The following WWOX variants were observed in gnomAD, a reference collection of about 807,000 sequenced individuals.
WWOX encodes WW domain-containing oxidoreductase.
WWOX carries 69 observed loss-of-function variants against 46.2 expected under a neutral mutation model. The observed-to-expected ratio is 1.49, with a 90% CI of 1.23 to 1.82. The LOEUF (loss-of-function observed/expected upper bound fraction) is 1.82. Among genes scored for constraint, WWOX ranks in the 40% most tolerant of loss-of-function variants. The pLI, the probability that WWOX is intolerant of heterozygous loss-of-function variation, is 0.00. For synonymous variants in WWOX, 359 were observed against 202.6 expected (o/e 1.77, Z -6.56); for missense variants, 919 against 542.6 (o/e 1.69, Z -6.89).
intron 8 of WWOX, among the ~76,000 whole-genome samples, chr16:78,547,309 G>A (rs2667650): frequency 0.49 from 74,579 of 151,868 alleles, 20,942 homozygotes; most frequent in Admixed American, 0.64. Flanking sequence ...ACTAGAGGGG[G>A]CACTATTAGT....
intron 8 of WWOX, among the ~76,000 whole-genome samples, chr16:78,990,186 CAAA>C (rs751642031): frequency 1.8e-5 from 2 of 110,246 alleles, no homozygotes. Context: ...CTTGTCTCAC[CAAA>C]AAAAAAAAAA....
chr16:78,568,564 C>T (rs2044635085), intron 8 of WWOX, among the ~76,000 whole-genome samples: 1 of 151,226 alleles, frequency 6.6e-6, no homozygotes, highest in Non-Finnish European at 1.5e-5. Flanking sequence ...CAACCTCTGC[C>T]TCCTGGATTC....
intron 8 of WWOX, among the ~76,000 whole-genome samples, chr16:79,096,054 G>C (rs1482363810): frequency 2.6e-5 from 3 of 114,940 alleles, no homozygotes; most frequent in African/African-American, 1.1e-4. Flanking sequence ...TTTTGGTAAA[G>C]ATGGGGTTTC....
At chr16:78,532,170 C>T (rs12448706) in intron 8 of WWOX, among the ~76,000 whole-genome samples, 2,165 of 151,652 alleles carry the variant, frequency 0.014, 22 homozygotes, top group African/African-American at 0.027. Flanking sequence ...GTCTGCCTTT[C>T]CCTTTCTGTT....
chr16:78,892,516 C>G (rs368112926), intron 8 of WWOX, among the ~76,000 whole-genome samples: 4 of 152,222 alleles, frequency 2.6e-5, no homozygotes, highest in African/African-American at 9.6e-5. Context: ...GAACACATGT[C>G]AAGAAGTGGG....
chr16:78,511,261 C>G (rs2085353223), intron 8 of WWOX, among the ~76,000 whole-genome samples: 1 of 152,214 alleles, frequency 6.6e-6, no homozygotes, highest in Non-Finnish European at 1.5e-5. Context: ...TACAATTAGT[C>G]ACCATGTCTT....
At chr16:79,199,750 C>G (rs955097108) in intron 8 of WWOX, among the ~76,000 whole-genome samples, 4 of 152,274 alleles carry the variant, frequency 2.6e-5, no homozygotes, top group Non-Finnish European at 4.4e-5. Flanking sequence ...GACAGATTTT[C>G]AACCCCTTGA....
intron 5 of WWOX, among the ~76,000 whole-genome samples, chr16:78,344,099 A>G (rs13334206): frequency 0.22 from 26,368 of 117,490 alleles, 8,362 homozygotes; most frequent in African/African-American, 0.37. Context: ...ACGGTCAGGT[A>G]TATCATCCTA....
chr16:78,213,144 G>T (rs943083700), intron 5 of WWOX, among the ~76,000 whole-genome samples: 1 of 151,566 alleles, frequency 6.6e-6, no homozygotes, highest in Non-Finnish European at 1.5e-5. Flanking sequence ...CCAGCTACTC[G>T]GGAGACTGAG....
In WWOX at chr16:78,876,946, G is replaced by C. The variant is rs2044246084; in HGVS notation, c.1057-334662G>C. ...CTACTTAAAATTAAGGCATAAAGTA[G>C]GAAAATGTGTTTCCTCTGTATAGTC... On this transcript the variant is annotated intron_variant, in intron 8 of 8. Transcript: ENST00000566780. 2.6e-5 allele frequency among the ~76,000 whole-genome samples: 4 copies of C among 152,100 alleles called. No individual in the cohort carries two copies. The South Asian group carries it at 8.3e-4, about 32-fold the overall frequency.
chr16:78,955,310 C>G (rs973603810), intron 8 of WWOX, among the ~76,000 whole-genome samples: 1 of 152,184 alleles, frequency 6.6e-6, no homozygotes, highest in Non-Finnish European at 1.5e-5. Flanking sequence ...CACAGCTGCA[C>G]ATACAACAAC....
intron 6 of WWOX, among the ~76,000 whole-genome samples, chr16:78,404,679 G>C (rs537724711): frequency 2.8e-4 from 42 of 152,252 alleles, no homozygotes; most frequent in African/African-American, 9.4e-4. Context: ...GTTAATTTAC[G>C]TCTTTTCCAT....
intron 8 of WWOX, among the ~76,000 whole-genome samples, chr16:78,826,464 C>G (rs369838060): frequency 6.6e-6 from 1 of 152,316 alleles, no homozygotes; most frequent in Admixed American, 6.5e-5. Flanking sequence ...TTGCATCTTT[C>G]GTTTCTGGTG....
intron 5 of WWOX, among the ~76,000 whole-genome samples, chr16:78,232,721 A>G (rs1286125545): frequency 6.6e-6 from 1 of 152,246 alleles, no homozygotes; most frequent in East Asian, 1.9e-4. Flanking sequence ...TGAAGATCAA[A>G]TGGGATCTGT....
At chr16:78,519,108 G>C (rs1449449644) in intron 8 of WWOX, among the ~76,000 whole-genome samples, 1 of 152,216 alleles carries the variant, frequency 6.6e-6, no homozygotes, top group Non-Finnish European at 1.5e-5. Flanking sequence ...GGGGCCAGTT[G>C]GCTCCGTCTA....
intron 8 of WWOX, among the ~76,000 whole-genome samples, chr16:78,507,185 A>G (rs180897510): frequency 1.3e-5 from 2 of 152,344 alleles, no homozygotes; most frequent in Admixed American, 1.3e-4. Flanking sequence ...GAGGAGACAG[A>G]ACATGAGTGA....
intron 7 of WWOX, among the ~76,000 whole-genome samples, chr16:78,428,422 G>A (rs1436544862): frequency 6.6e-6 from 1 of 152,194 alleles, no homozygotes; most frequent in Non-Finnish European, 1.5e-5. Context: ...TGTAAAAGTG[G>A]ACTATCTGCC....
rs535499541 is a variant in WWOX, at chr16:78,978,179, C to T, written c.1057-233429C>T. Among the ~76,000 whole-genome samples, 14 of 152,296 alleles carry T rather than the reference C, an allele frequency of 9.2e-5. No homozygotes were observed. In the South Asian group the frequency reaches 2.7e-3, roughly 29 times the overall value. On this transcript the variant is annotated intron_variant, in intron 8 of 8. Transcript: ENST00000566780. ...GTGGCATGTATCAGTACTTCATTCC[C>T]TTTTATCACTGAATAGTATTCCACT...
At chr16:79,178,559 C>T (rs765509412) in intron 8 of WWOX, among the ~76,000 whole-genome samples, 15 of 152,150 alleles carry the variant, frequency 9.9e-5, no homozygotes, top group Non-Finnish European at 7.3e-5. Context: ...TCAAGTGATC[C>T]TCCCGCCTCG....
Sources: allele counts gnomAD v4.1 joint callset (sites outside exome capture counted in the v4.1 genomes callset), GRCh38; gene constraint gnomAD v4.1.1; transcripts MANE v1.5; gene names NCBI Gene and HGNC (gene_info 2026-07-23, HGNC 2026-07-21).